ENOX1: variants seen among roughly 807,000 people sequenced by gnomAD.
ENOX1 encodes the protein candidate growth-related and time keeping constitutive hydroquinone (NADH) oxidase.
A neutral mutation model predicts 82.5 loss-of-function variants in ENOX1; 42 were observed. The ratio of observed to expected loss-of-function variants is 0.51; its 90% CI spans 0.40 to 0.66. The LOEUF (loss-of-function observed/expected upper bound fraction) is 0.66. ENOX1 is among the 30% of genes least tolerant of loss of function. ENOX1 has a pLI of 0.00. For synonymous variants in ENOX1, 271 were observed against 282.2 expected (o/e 0.96, Z 0.40); for missense variants, 608 against 811.6 (o/e 0.75, Z 3.05).
At chr13:43,370,474 G>T (rs1204477259) in intron 5 of ENOX1, among the ~76,000 whole-genome samples, 1 of 152,180 alleles carries the variant, frequency 6.6e-6, no homozygotes, top group Non-Finnish European at 1.5e-5. Flanking sequence ...GCCATTGCCA[G>T]GTCTCAGGGA....
At chr13:43,215,412 C>A (rs927864803) in intron 16 of ENOX1, among the ~76,000 whole-genome samples, 3 of 152,178 alleles carry the variant, frequency 2.0e-5, no homozygotes, top group Admixed American at 6.5e-5. Flanking sequence ...ATTCCCAGGT[C>A]AACCGACAAA....
chr13:43,352,992 C>T (rs930439648), intron 8 of ENOX1, among the ~76,000 whole-genome samples: 1 of 152,218 alleles, frequency 6.6e-6, no homozygotes, highest in African/African-American at 2.4e-5. Flanking sequence ...GACACCTAAA[C>T]TCTTTGAGGC....
intron 3 of ENOX1, among the ~76,000 whole-genome samples, chr13:43,417,790 T>C (rs2054715740): frequency 6.6e-6 from 1 of 152,212 alleles, no homozygotes; most frequent in Non-Finnish European, 1.5e-5. Flanking sequence ...TGGTAGATAA[T>C]TATGTAATTA....
At chr13:43,476,593 T>A (rs1341642131) in intron 3 of ENOX1, among the ~76,000 whole-genome samples, 1 of 152,160 alleles carries the variant, frequency 6.6e-6, no homozygotes, top group African/African-American at 2.4e-5. Context: ...TTCTTCCTTC[T>A]TTTACTCTCT....
intron 2 of ENOX1, among the ~76,000 whole-genome samples, chr13:43,641,510 A>G (rs1396649453): frequency 6.7e-6 from 1 of 150,328 alleles, no homozygotes; most frequent in Non-Finnish European, 1.5e-5. Flanking sequence ...CAAAAGTAAC[A>G]GAGTAACATT....
At chr13:43,778,727 A>G (rs138842440) in intron 1 of ENOX1, among the ~76,000 whole-genome samples, 1 of 152,076 alleles carries the variant, frequency 6.6e-6, no homozygotes, top group East Asian at 1.9e-4. Flanking sequence ...TCCTTCTTTT[A>G]TTTATGCTCA....
intron 1 of ENOX1, among the ~76,000 whole-genome samples, chr13:43,737,852 T>C (rs1357696121): frequency 2.6e-5 from 4 of 152,206 alleles, no homozygotes; most frequent in Admixed American, 6.5e-5. Context: ...AATGGGCCCT[T>C]ACACAGCAAA....
At chr13:43,236,484 T>C in intron 15 of ENOX1, 152 bp downstream of exon 15, 2 of 487,368 alleles carry the variant, frequency 4.1e-6, no homozygotes, top group Admixed American at 4.2e-5. Context: ...TGCCACTAAT[T>C]TGAAATGTAT....
chr13:43,659,857 C>T (rs2084635618), intron 2 of ENOX1, among the ~76,000 whole-genome samples: 1 of 152,156 alleles, frequency 6.6e-6, no homozygotes, highest in South Asian at 2.1e-4. Context: ...AAGGTATTGT[C>T]ATTCTTGGGA....
intron 2 of ENOX1, among the ~76,000 whole-genome samples, chr13:43,592,232 T>C (rs1370313842): frequency 6.6e-6 from 1 of 152,204 alleles, no homozygotes; most frequent in Non-Finnish European, 1.5e-5. Context: ...TATTTAAATG[T>C]TAGTGACTTC....
At chr13:43,255,543 G>A (rs2043696651) in intron 14 of ENOX1, among the ~76,000 whole-genome samples, 1 of 152,040 alleles carries the variant, frequency 6.6e-6, no homozygotes, top group Non-Finnish European at 1.5e-5. Context: ...TAATGACTCG[G>A]CCAAAAAACT....
intron 14 of ENOX1, among the ~76,000 whole-genome samples, chr13:43,262,051 A>G (rs956538118): frequency 2.6e-5 from 4 of 152,184 alleles, no homozygotes; most frequent in African/African-American, 9.7e-5. Context: ...TAATAATATA[A>G]TGAAAAATCA....
intron 12 of ENOX1, among the ~76,000 whole-genome samples, chr13:43,294,283 A>T (rs1380771015): frequency 6.6e-6 from 1 of 152,216 alleles, no homozygotes; most frequent in African/African-American, 2.4e-5. Context: ...CCAAATATTT[A>T]TTAGTCCTGT....
At chr13:43,505,689 C>T (rs2077131254) in intron 2 of ENOX1, among the ~76,000 whole-genome samples, 1 of 152,002 alleles carries the variant, frequency 6.6e-6, no homozygotes, top group South Asian at 2.1e-4. Context: ...AATTTTCTCC[C>T]ATTCTGTAGG....
chr13:43,506,734 G>A (rs1281698981), intron 2 of ENOX1, among the ~76,000 whole-genome samples: 8 of 136,768 alleles, frequency 5.8e-5, no homozygotes, highest in African/African-American at 2.1e-4. Flanking sequence ...ACTATCGCAA[G>A]GACAAAAAAC....
At chr13:43,298,271 C>T (rs1480269002) in intron 12 of ENOX1, 75 bp downstream of exon 12, 40 of 1,441,590 alleles carry the variant, frequency 2.8e-5, no homozygotes, top group South Asian at 1.4e-4. Flanking sequence ...TTCCAGCACA[C>T]GGCTGCCTTT....
chr13:43,320,104 AG>A (rs1566503145), intron 11 of ENOX1, among the ~76,000 whole-genome samples: 1 of 152,222 alleles, frequency 6.6e-6, no homozygotes, highest in African/African-American at 2.4e-5. Context: ...CCAAATATGC[AG>A]GGCTGAAAGA....
chr13:43,239,414 T>G (rs2042707962), intron 14 of ENOX1, among the ~76,000 whole-genome samples: 1 of 152,178 alleles, frequency 6.6e-6, no homozygotes, highest in African/African-American at 2.4e-5. Flanking sequence ...AGAACTATGC[T>G]GGAAGTGGTA....
chr13:43,659,804 A>G (rs141623301), intron 2 of ENOX1, among the ~76,000 whole-genome samples: 2,096 of 152,222 alleles, frequency 0.014, 30 homozygotes, highest in Non-Finnish European at 0.02. Context: ...TTCCTGCAGG[A>G]AAGGTATCCT....
Sources: allele counts gnomAD v4.1 joint callset (sites outside exome capture counted in the v4.1 genomes callset), GRCh38; gene constraint gnomAD v4.1.1; transcripts MANE v1.5; gene names NCBI Gene and HGNC (gene_info 2026-07-23, HGNC 2026-07-21).